The following MYH9 variants were observed in gnomAD, a reference collection of about 807,000 sequenced individuals.
MYH9 encodes the protein myosin-9.
A neutral mutation model predicts 241.9 loss-of-function variants in MYH9; 29 were observed. The ratio of observed to expected loss-of-function variants is 0.12; its 90% CI spans 0.09 to 0.16. MYH9 has a LOEUF of 0.16. MYH9 is among the 10% of genes least tolerant of loss of function. The pLI is 1.00. For missense variants in MYH9, 1,803 were observed against 2,595.5 expected, an observed-to-expected ratio of 0.69 and a Z score of 6.63; for synonymous variants, 1,047 against 1,062.6, an observed-to-expected ratio of 0.99 and a Z score of 0.29.
chr22:36,333,628 A>C (rs2017455799), intron 3 of MYH9, among the ~76,000 whole-genome samples: 1 of 152,256 alleles, frequency 6.6e-6, no homozygotes, highest in Non-Finnish European at 1.5e-5. Flanking sequence ...CCCAACTTTT[A>C]TACCTGCAGC....
chr22:36,307,820 G>A (rs371691699), intron 15 of MYH9, among the ~76,000 whole-genome samples: 16 of 151,992 alleles, frequency 1.1e-4, no homozygotes, highest in Middle Eastern at 3.4e-3. Flanking sequence ...CCCAGGAGGC[G>A]GAGGTTGCAG....
intron 15 of MYH9, among the ~76,000 whole-genome samples, chr22:36,307,681 A>G (rs1177877389): frequency 6.6e-5 from 10 of 152,188 alleles, no homozygotes; most frequent in Non-Finnish European, 1.5e-4. Context: ...TGAAGTCAGG[A>G]GTTCGAGACC....
In MYH9 at chr22:36,383,302, A is replaced by T. The variant is rs1281998112; in HGVS notation, c.-20+4505T>A. ...TGGAAGTAAGGTCTCCAGTCACCCA[A>T]GTCCAGTGCTCTTCCTGTATCACCC... On this transcript the variant is annotated intron_variant, in intron 1 of 40. Transcript: ENST00000216181. Among the ~76,000 whole-genome samples the T allele has an allele frequency of 2.0e-5, 3 of 152,188 alleles. No homozygotes were observed. In the East Asian group the frequency reaches 5.8e-4, roughly 29 times the overall value.
chr22:36,282,689 A>G lies in MYH9; in HGVS notation c.5862T>C (p.Ala1954=). 2 of 1,614,070 alleles carry G rather than the reference A, an allele frequency of 1.2e-6. No homozygotes were observed. The highest frequency in any genetic ancestry group is 2.2e-5 in the East Asian group (1 of 44,882). ...AGGCTTATTCGGCAGGTTTGGCCTC[A>G]GCCCCATCCGCTTTGCCATCTACCT... The part of the protein sequence containing the change: ...DEEVDGKADG[A]EAKPAE Residue 1954 remains alanine (A), a synonymous_variant, in exon 41 of 41, where the codon GCT becomes GCC. Transcript: ENST00000216181.
At position 36,343,548 on chromosome 22, in the gene MYH9, T is replaced by TAAA. The variant is rs5845270; in HGVS notation, c.334-2025_334-2023dup. On this transcript the variant is annotated intron_variant, in intron 2 of 40. Transcript: ENST00000216181. ...GGGTGACAGAGGGAGACCCTGCTCTTAAAAAAAAAAAAAAAAAAAGAGCAG... is the reference window on the plus strand; with the variant it reads ...GGGTGACAGAGGGAGACCCTGCTCTTAAAAAAAAAAAAAAAAAAAAAAGAGCAG... Among the ~76,000 whole-genome samples the TAAA allele has an allele frequency of 8.1e-3, 1,013 of 124,976 alleles. 19 individuals are homozygous for TAAA. The highest frequency in any genetic ancestry group is 0.029 in the African/African-American group (947 of 32,588). 82.0% of individuals were successfully genotyped at this position (124,976 alleles called of 152,430 possible). A position where few individuals can be genotyped will look rare whatever the true frequency, so the allele number is the denominator to read the frequency against.
chr22:36,292,982 C>A (rs2016730771), intron 30 of MYH9, among the ~76,000 whole-genome samples: 1 of 152,228 alleles, frequency 6.6e-6, no homozygotes, highest in African/African-American at 2.4e-5. Flanking sequence ...TCGGCCACAA[C>A]CCTGACAGGG....
chr22:36,322,738 A>G (rs567947414), intron 5 of MYH9, among the ~76,000 whole-genome samples: 92 of 152,360 alleles, frequency 6.0e-4, no homozygotes, highest in African/African-American at 2.2e-3. Context: ...AACCTTGGTC[A>G]GTTTGAACTT....
chr22:36,325,359 G>A (rs954669433), intron 5 of MYH9, among the ~76,000 whole-genome samples: 4 of 152,196 alleles, frequency 2.6e-5, no homozygotes, highest in African/African-American at 9.7e-5. Context: ...AGACCTGCAT[G>A]CAGACTCACA....
At chr22:36,301,289 T>C (rs1010725618) in intron 21 of MYH9, among the ~76,000 whole-genome samples, 1 of 152,184 alleles carries the variant, frequency 6.6e-6, no homozygotes, top group Admixed American at 6.5e-5. Flanking sequence ...TCAAGTCATG[T>C]GGTAGAGCTG....
intron 27 of MYH9, 60 bp from the exon 28 acceptor site, chr22:36,294,358 T>C: frequency 6.4e-7 from 1 of 1,556,066 alleles, no homozygotes; most frequent in Non-Finnish European, 8.8e-7. Context: ...CTGGCTGGTC[T>C]ATCATCACTG....
chr22:36,375,955 C>CTTTTTTTTTT (rs751350180), intron 1 of MYH9, among the ~76,000 whole-genome samples: 9 of 89,092 alleles, frequency 1.0e-4, no homozygotes, highest in Non-Finnish European at 1.7e-4. Flanking sequence ...TCAATAATTT[C>CTTTTTTTTTT]TTTTTTTTTT....
rs142949738 is a variant in MYH9, at chr22:36,338,991, A to G, written c.490+2379T>C. On this transcript the variant is annotated intron_variant, in intron 3 of 40. Transcript: ENST00000216181. ...TGAAGGCCATTCGGTATGGCCAAGA[A>G]AAAGGAAAGCTCTGGTTCTCTGCAT... is the stretch of plus-strand genomic sequence containing the variant. Among the ~76,000 whole-genome samples, 882 of 152,356 alleles carry G rather than the reference A, an allele frequency of 5.8e-3. 6 individuals carry two copies. The highest frequency in any genetic ancestry group is 9.6e-3 in the Non-Finnish European group (650 of 68,034).
At chr22:36,367,065 C>T (rs1426093881) in intron 1 of MYH9, among the ~76,000 whole-genome samples, 1 of 152,228 alleles carries the variant, frequency 6.6e-6, no homozygotes, top group Non-Finnish European at 1.5e-5. Flanking sequence ...AGAGACTCTG[C>T]AGTGCGGTCC....
At position 36,320,758 on chromosome 22, in the gene MYH9, C is replaced by G; in HGVS notation, c.868+40G>C. The G allele has an allele frequency of 1.3e-6, 2 of 1,536,966 alleles. No individual in the cohort carries two copies. The highest frequency in any genetic ancestry group is 1.1e-5 in the South Asian group (1 of 89,058). ...TCCAATTCTGGCAAGAGGCCCAGAGCCCGGCAGCCCCGGTGTCAGGCTGCA... is the reference window on the plus strand; with the variant it reads ...TCCAATTCTGGCAAGAGGCCCAGAGGCCGGCAGCCCCGGTGTCAGGCTGCA... On this transcript the variant is annotated intron_variant, in intron 8 of 40. Transcript: ENST00000216181. This position sits in a 1 kb window ranked among gnomAD's most constrained non-coding sequence, Gnocchi z 4.8.
chr22:36,342,640 A>C (rs1475470163), intron 2 of MYH9, among the ~76,000 whole-genome samples: 2 of 152,186 alleles, frequency 1.3e-5, no homozygotes, highest in East Asian at 3.8e-4. Context: ...CCAAAAAAAA[A>C]AAAAAGATTC....
chr22:36,286,096 C>T, intron 35 of MYH9, 143 bp from the exon 36 acceptor site: 2 of 804,606 alleles, frequency 2.5e-6, no homozygotes, highest in Non-Finnish European at 4.2e-6. Context: ...CTCTAGCTCA[C>T]AGGGCTGGTG....
intron 2 of MYH9, among the ~76,000 whole-genome samples, chr22:36,348,017 T>C (rs368284205): frequency 6.7e-6 from 1 of 148,622 alleles, no homozygotes; most frequent in Non-Finnish European, 1.5e-5. Flanking sequence ...TTTAAAAATA[T>C]CTTTTAAAAT....
chr22:36,387,097 G>C (rs1454044611), intron 1 of MYH9, among the ~76,000 whole-genome samples: 1 of 152,226 alleles, frequency 6.6e-6, no homozygotes, highest in African/African-American at 2.4e-5. Context: ...GCAGGGACTG[G>C]GGGTGGCCCT....
Position 36,341,454 on chromosome 22 carries a change from C to T in MYH9, c.406G>A (p.Glu136Lys). ...NLPIYSEEIV[E>K]MYKGKKRHEM... ...TGCCTCTTCTTGCCCTTGTACATTT[C>T]CACAATCTCTTCAGAGTAGATGGGC... Residue 136 changes from glutamate to lysine, a missense_variant, in exon 3 of 41, where the codon GAA becomes AAA. Physicochemically the swap from Glu to Lys is moderately conservative, Grantham distance 56. This residue lies in a region of MYH9 where 72 missense variants were observed against 134.3 expected (regional missense o/e 0.54). Coordinates refer to ENST00000216181, the MANE Select transcript of MYH9 (RefSeq NM_002473.6). 1 of 1,614,210 alleles carries T rather than the reference C, an allele frequency of 6.2e-7. No individual in the cohort carries two copies. Among genetic ancestry groups the T allele is most frequent in the Non-Finnish European group, 8.5e-7 (1 of 1,180,030 alleles).
Sources: gnomAD v4.1 joint callset for allele counts (sites outside exome capture counted in the v4.1 genomes callset) on GRCh38, gnomAD v4.1.1 for gene constraint, gnomAD v4.1.1 regional missense constraint, Gnocchi (gnomAD v3.1) non-coding constraint, MANE v1.5 for transcripts, NCBI Gene and HGNC (gene_info 2026-07-23, HGNC 2026-07-21) for gene names.